The following GPR158 variants were observed in gnomAD, a reference collection of about 807,000 sequenced individuals.
GPR158 encodes metabotropic glycine receptor.
GPR158 carries 30 observed loss-of-function variants against 78.2 expected under a neutral mutation model. That is an observed-to-expected ratio of 0.38 (90% CI 0.29 to 0.52). The LOEUF (loss-of-function observed/expected upper bound fraction) is 0.52. Among genes scored for constraint, GPR158 ranks in the 20% least tolerant of loss-of-function variants. GPR158 has a pLI of 0.83. For synonymous variants in GPR158, 581 were observed against 591.1 expected (o/e 0.98, Z 0.25); for missense variants, 1,463 against 1,523.5 (o/e 0.96, Z 0.66).
chr10:25,575,347 T>C (rs1837077204), intron 7 of GPR158, among the ~76,000 whole-genome samples: 1 of 152,164 alleles, frequency 6.6e-6, no homozygotes, highest in Admixed American at 6.5e-5. Context: ...TTTGTTTTTT[T>C]AAGTGAAATG....
At chr10:25,384,313 TC>T (rs1834194009) in intron 2 of GPR158, among the ~76,000 whole-genome samples, 1 of 152,170 alleles carries the variant, frequency 6.6e-6, no homozygotes, top group Non-Finnish European at 1.5e-5. Context: ...AGTACAGCAC[TC>T]TGGGCTATTT....
chr10:25,572,667 T>C lies in GPR158; in HGVS notation c.1533T>C (p.Leu511=). ...TTTCTAGGGTTTTGAAGGTGTTTCT[T>C]TCACGAACGGCTCAACGAATTCCAT... ...LKLHRVLKVF[L]SRTAQRIPYM... Residue 511 remains leucine (L), a synonymous_variant, in exon 7 of 11, where the codon CTT becomes CTC. Transcript: ENST00000376351. The C allele has an allele frequency of 6.2e-7, 1 of 1,613,040 alleles. No individual in the cohort carries two copies. The highest frequency in any genetic ancestry group is 8.5e-7 in the Non-Finnish European group (1 of 1,179,004).
At chr10:25,445,019 C>G (rs933719833) in intron 4 of GPR158, among the ~76,000 whole-genome samples, 11 of 152,046 alleles carry the variant, frequency 7.2e-5, no homozygotes, top group African/African-American at 2.7e-4. Flanking sequence ...TATACCTACA[C>G]TATAACTAAT....
At chr10:25,194,236 G>T (rs1256355846) in intron 1 of GPR158, among the ~76,000 whole-genome samples, 1 of 152,094 alleles carries the variant, frequency 6.6e-6, no homozygotes, top group Non-Finnish European at 1.5e-5. Context: ...TCAAGGCACA[G>T]GAGTAAGATT....
At chr10:25,471,806 GTTGT>G (rs1399070679) in intron 5 of GPR158, among the ~76,000 whole-genome samples, 2 of 152,122 alleles carry the variant, frequency 1.3e-5, no homozygotes, top group South Asian at 2.1e-4. Context: ...TTTTGATGGG[GTTGT>G]TTGTTTTTTT....
chr10:25,338,611 AAAT>A (rs1855260404), intron 2 of GPR158, among the ~76,000 whole-genome samples: 1 of 146,664 alleles, frequency 6.8e-6, no homozygotes, highest in Non-Finnish European at 1.5e-5. Flanking sequence ...TATATATAAA[AAAT>A]CATATAAATA....
At chr10:25,353,584 T>C (rs534865412) in intron 2 of GPR158, among the ~76,000 whole-genome samples, 20 of 152,202 alleles carry the variant, frequency 1.3e-4, no homozygotes, top group Non-Finnish European at 2.2e-4. Flanking sequence ...TATATTTTAT[T>C]GTGGGATTAG....
intron 9 of GPR158, among the ~76,000 whole-genome samples, chr10:25,596,123 A>G (rs1469392861): frequency 6.6e-6 from 1 of 152,196 alleles, no homozygotes; most frequent in Non-Finnish European, 1.5e-5. Flanking sequence ...GAAATGGACA[A>G]TATATGACAA....
intron 1 of GPR158, among the ~76,000 whole-genome samples, chr10:25,215,474 T>A (rs576845868): frequency 6.6e-6 from 1 of 152,322 alleles, no homozygotes; most frequent in African/African-American, 2.4e-5. Context: ...AACTCAATAC[T>A]ACAAAAGCGT....
At chr10:25,590,148 C>A (rs1294410003) in intron 8 of GPR158, among the ~76,000 whole-genome samples, 4 of 152,132 alleles carry the variant, frequency 2.6e-5, no homozygotes, top group Non-Finnish European at 5.9e-5. Flanking sequence ...CTTTAGTCAG[C>A]AGTCAGAAGA....
intron 8 of GPR158, among the ~76,000 whole-genome samples, chr10:25,593,321 T>C (rs1837364831): frequency 6.6e-6 from 1 of 152,030 alleles, no homozygotes; most frequent in African/African-American, 2.4e-5. Context: ...AGAATGAAGA[T>C]ATAAAAATTA....
intron 2 of GPR158, among the ~76,000 whole-genome samples, chr10:25,336,216 G>T (rs1474224048): frequency 6.6e-6 from 1 of 151,822 alleles, no homozygotes; most frequent in Admixed American, 6.6e-5. Context: ...ACAAAATATG[G>T]ATAAATCAAT....
chr10:25,508,968 T>TA (rs1191745792), intron 5 of GPR158, among the ~76,000 whole-genome samples: 1 of 152,162 alleles, frequency 6.6e-6, no homozygotes, highest in Non-Finnish European at 1.5e-5. Context: ...CCTTCACAAG[T>TA]AGCTACTAGT....
chr10:25,382,867 T>C (rs1760765), intron 2 of GPR158, among the ~76,000 whole-genome samples: 100,364 of 151,930 alleles, frequency 0.66, 34,253 homozygotes, highest in Non-Finnish European at 0.75. Context: ...AGTCTCACAC[T>C]GTCGCCCAGG....
At position 25,524,875 on chromosome 10, in the gene GPR158, G is replaced by T. The variant is rs558880986; in HGVS notation, c.1405-26101G>T. 2.0e-5 allele frequency among the ~76,000 whole-genome samples: 3 copies of T among 152,170 alleles called. No homozygotes were observed. In the South Asian group the frequency reaches 6.2e-4, roughly 32 times the overall value. ...ACAGAATAAGAGACAATATTTGTAT[G>T]TCATATGTCTGATAAGGGACTTATA... On this transcript the variant is annotated intron_variant, in intron 5 of 10. Transcript: ENST00000376351.
At chr10:25,323,229 C>T (rs1292040018) in intron 2 of GPR158, among the ~76,000 whole-genome samples, 1 of 152,244 alleles carries the variant, frequency 6.6e-6, no homozygotes, top group South Asian at 2.1e-4. Flanking sequence ...ACAATGCTGT[C>T]ATTTGGGCTT....
chr10:25,188,697 C>T (rs1479625587), intron 1 of GPR158, among the ~76,000 whole-genome samples: 1 of 152,122 alleles, frequency 6.6e-6, no homozygotes, highest in Non-Finnish European at 1.5e-5. Flanking sequence ...AAAACCTAGG[C>T]AATACCATTC....
chr10:25,471,258 T>G (rs557248984), intron 5 of GPR158, among the ~76,000 whole-genome samples: 1 of 152,288 alleles, frequency 6.6e-6, no homozygotes, highest in South Asian at 2.1e-4. Context: ...GGTTTCCAGC[T>G]TCATCCATGC....
chr10:25,590,125 C>T (rs1005092247), intron 8 of GPR158, among the ~76,000 whole-genome samples: 5 of 152,036 alleles, frequency 3.3e-5, no homozygotes, highest in Non-Finnish European at 5.9e-5. Context: ...TGTAGGATGC[C>T]TATCCTCTCT....
Sources: allele counts gnomAD v4.1 joint callset (sites outside exome capture counted in the v4.1 genomes callset), GRCh38; gene constraint gnomAD v4.1.1; transcripts MANE v1.5; gene names NCBI Gene and HGNC (gene_info 2026-07-23, HGNC 2026-07-21).